NEGR1: variants seen among roughly 807,000 people sequenced by gnomAD.
The protein encoded by NEGR1 is neuronal growth regulator 1.
A neutral mutation model predicts 40.9 loss-of-function variants in NEGR1; 10 were observed. That is an observed-to-expected ratio of 0.24 (90% CI 0.15 to 0.42). The LOEUF is 0.42. Ranked by LOEUF, NEGR1 falls within the 10% of genes least tolerant of loss-of-function variation. The pLI, the probability that NEGR1 is intolerant of heterozygous loss-of-function variation, is 1.00. For synonymous variants in NEGR1, 185 were observed against 166.8 expected, an observed-to-expected ratio of 1.11 and a Z score of -0.84; for missense variants, 352 against 438.9, an observed-to-expected ratio of 0.80 and a Z score of 1.77.
intron 3 of NEGR1, among the ~76,000 whole-genome samples, chr1:71,701,536 T>A (rs1333332827): frequency 1.3e-5 from 2 of 152,086 alleles, no homozygotes; most frequent in Admixed American, 6.6e-5. Flanking sequence ...TTCATGTGAT[T>A]AAACTGAGCC....
chr1:72,016,437 A>G (rs555166651), intron 1 of NEGR1, among the ~76,000 whole-genome samples: 1 of 152,274 alleles, frequency 6.6e-6, no homozygotes, highest in Non-Finnish European at 1.5e-5. Flanking sequence ...TTTGGAATCC[A>G]CACTCTAGCT....
chr1:72,016,919 G>T (rs1646715678), intron 1 of NEGR1, among the ~76,000 whole-genome samples: 1 of 151,856 alleles, frequency 6.6e-6, no homozygotes, highest in Non-Finnish European at 1.5e-5. Flanking sequence ...AGCTTCTTTG[G>T]CAACCTTTGA....
At chr1:71,845,332 A>G (rs1659369376) in intron 2 of NEGR1, among the ~76,000 whole-genome samples, 1 of 152,142 alleles carries the variant, frequency 6.6e-6, no homozygotes, top group Non-Finnish European at 1.5e-5. Flanking sequence ...CATAAATCAT[A>G]ATCAATTTAA....
At chr1:71,689,302 T>C (rs978634796) in intron 4 of NEGR1, among the ~76,000 whole-genome samples, 3 of 152,158 alleles carry the variant, frequency 2.0e-5, no homozygotes, top group African/African-American at 7.2e-5. Flanking sequence ...ATTCATGCAG[T>C]CTCTATAAAA....
At chr1:71,938,091 G>GT (rs1645925204) in intron 1 of NEGR1, among the ~76,000 whole-genome samples, 1 of 151,806 alleles carries the variant, frequency 6.6e-6, no homozygotes, top group Non-Finnish European at 1.5e-5. Flanking sequence ...CCAACTCAAA[G>GT]TTTTTTAAGA....
chr1:72,270,492 T>A (rs1655806345), intron 1 of NEGR1, among the ~76,000 whole-genome samples: 1 of 151,840 alleles, frequency 6.6e-6, no homozygotes, highest in African/African-American at 2.4e-5. Flanking sequence ...ACATATCTAA[T>A]CCTCAATAAT....
In NEGR1 at chr1:72,275,276, T is replaced by C. The variant is rs114114906; in HGVS notation, c.176+7043A>G. The C allele has an allele frequency of 4.9e-3, 2,540 of 520,652 alleles. 55 individuals are homozygous for C. Among genetic ancestry groups the C allele is most frequent in the African/African-American group, 0.044 (2,315 of 52,376 alleles). The allele number at this position is 520,652 out of a possible 1,614,324, so 32.3% of individuals were successfully genotyped here. A position where few individuals can be genotyped will look rare whatever the true frequency, so the allele number is the denominator to read the frequency against. On this transcript the variant is annotated intron_variant, in intron 1 of 6. Transcript: ENST00000357731. The stretch of plus-strand genomic sequence containing the variant: ...AGTTATACCACATTTTTTTCTGTAA[T>C]AGATACAGCAGAGTAATTAAAACTC...
intron 1 of NEGR1, among the ~76,000 whole-genome samples, chr1:72,052,251 G>A (rs1402683666): frequency 2.6e-5 from 4 of 151,358 alleles, no homozygotes; most frequent in Admixed American, 1.3e-4. Context: ...CCAGAAAAAT[G>A]CCTTTGGGCC....
At chr1:71,675,111 TCA>T (rs1491586554) in intron 4 of NEGR1, among the ~76,000 whole-genome samples, 11 of 3,658 alleles carry the variant, frequency 3.0e-3, no homozygotes, top group Non-Finnish European at 0.013. Flanking sequence ...GCATGTTTAT[TCA>T]TATATATATA....
intron 1 of NEGR1, among the ~76,000 whole-genome samples, chr1:72,074,872 AT>A (rs1647653096): frequency 6.6e-6 from 1 of 152,094 alleles, no homozygotes; most frequent in African/African-American, 2.4e-5. Flanking sequence ...TTCAGTTATG[AT>A]TTCAAACAAG....
chr1:71,736,513 A>T (rs530712971), intron 3 of NEGR1, among the ~76,000 whole-genome samples: 70 of 152,276 alleles, frequency 4.6e-4, no homozygotes, highest in African/African-American at 1.5e-3. Context: ...AGTAATTATT[A>T]ATTGATTAAA....
intron 1 of NEGR1, among the ~76,000 whole-genome samples, chr1:72,039,637 A>G (rs185160732): frequency 7.9e-5 from 12 of 152,128 alleles, no homozygotes; most frequent in African/African-American, 2.9e-4. Flanking sequence ...AGTTTTTACT[A>G]TGCAGAATCC....
At chr1:71,877,242 G>A (rs1243138286) in intron 2 of NEGR1, among the ~76,000 whole-genome samples, 1 of 152,104 alleles carries the variant, frequency 6.6e-6, no homozygotes, top group Non-Finnish European at 1.5e-5. Context: ...AGTCATGTAT[G>A]GCCTTAGAAG....
intron 2 of NEGR1, among the ~76,000 whole-genome samples, chr1:71,896,781 C>G (rs1660986535): frequency 6.6e-6 from 1 of 152,016 alleles, no homozygotes; most frequent in Admixed American, 6.6e-5. Context: ...TCCAGTGGTT[C>G]CCAGCAACAT....
chr1:72,192,977 C>G (rs1166517261), intron 1 of NEGR1, among the ~76,000 whole-genome samples: 1 of 151,606 alleles, frequency 6.6e-6, no homozygotes, highest in South Asian at 2.1e-4. Flanking sequence ...TAAAAGAAAG[C>G]AGCATTTAAT....
chr1:72,077,744 T>C lies in NEGR1; in HGVS notation c.177-142433A>G, dbSNP rs528044417. On this transcript the variant is annotated intron_variant, in intron 1 of 6. Transcript: ENST00000357731. ...GGGAGGAACATTTGATCCTGGGAGG[T>C]TGAGGCTGCAGTAAGCCCTGAACTT... 4.0e-5 allele frequency among the ~76,000 whole-genome samples: 6 copies of C among 150,690 alleles called. No individual in the cohort carries two copies. In the South Asian group the frequency reaches 1.1e-3, roughly 27 times the overall value.
chr1:71,704,360 T>A (rs912085058), intron 3 of NEGR1, among the ~76,000 whole-genome samples: 5 of 152,028 alleles, frequency 3.3e-5, no homozygotes, highest in African/African-American at 1.2e-4. Flanking sequence ...AAGCAAAAGC[T>A]GGTTCTTTAA....
chr1:72,000,618 C>T (rs1376235494), intron 1 of NEGR1, among the ~76,000 whole-genome samples: 2 of 152,144 alleles, frequency 1.3e-5, no homozygotes, highest in African/African-American at 4.8e-5. Flanking sequence ...CATTCACTTT[C>T]ATCACGTCAT....
At chr1:71,989,066 C>T (rs1646428441) in intron 1 of NEGR1, among the ~76,000 whole-genome samples, 1 of 151,782 alleles carries the variant, frequency 6.6e-6, no homozygotes, top group Non-Finnish European at 1.5e-5. Context: ...TTTTTTTCCA[C>T]TGAGACTACC....
Sources: allele counts gnomAD v4.1 joint callset (sites outside exome capture counted in the v4.1 genomes callset), GRCh38; gene constraint gnomAD v4.1.1; transcripts MANE v1.5; gene names NCBI Gene and HGNC (gene_info 2026-07-23, HGNC 2026-07-21).